Variants in CCDC40 observed in about 807,000 individuals in gnomAD.
CCDC40 encodes coiled-coil domain-containing protein 40.
CCDC40 carries 104 observed loss-of-function variants against 124.5 expected under a neutral mutation model. The observed-to-expected ratio is 0.84, with a 90% CI of 0.71 to 0.98. The LOEUF (loss-of-function observed/expected upper bound fraction) is 0.98. CCDC40 is among the 50% of genes least tolerant of loss of function. The pLI is 0.00. For synonymous variants in CCDC40, 580 were observed against 602.9 expected (o/e 0.96, Z 0.56); for missense variants, 1,463 against 1,503.9 (o/e 0.97, Z 0.45).
chr17:80,091,894 C>T (rs1031010600), intron 17 of CCDC40, among the ~76,000 whole-genome samples: 2 of 151,842 alleles, frequency 1.3e-5, no homozygotes, highest in African/African-American at 2.4e-5. Flanking sequence ...GCAGTCATAT[C>T]TGTACCTTCT....
At chr17:80,069,165 C>A (rs117261836) in intron 10 of CCDC40, among the ~76,000 whole-genome samples, 18 of 152,226 alleles carry the variant, frequency 1.2e-4, no homozygotes, top group Non-Finnish European at 2.1e-4. Flanking sequence ...TTTCCCCATG[C>A]CTTTGTGTCT....
intron 3 of CCDC40, among the ~76,000 whole-genome samples, chr17:80,043,828 A>G (rs374225980): frequency 6.6e-6 from 1 of 151,772 alleles, no homozygotes; most frequent in Non-Finnish European, 1.5e-5. Context: ...CTCCTCTTCC[A>G]TATTTGTAGC....
In CCDC40 at chr17:80,086,057, G is replaced by T. The variant is rs375753787; in HGVS notation, c.2290G>T (p.Asp764Tyr). 6.2e-7 allele frequency: 1 copy of T among 1,614,004 alleles called. No homozygotes were observed. Among genetic ancestry groups the T allele is most frequent in the Non-Finnish European group, 8.5e-7 (1 of 1,180,040 alleles). Residue 764 changes from aspartate (D) to tyrosine (Y), a missense_variant, in exon 14 of 20, where the codon GAC (aspartate) becomes TAC (tyrosine). Asp to Tyr is a radical substitution (Grantham distance 160). Transcript: ENST00000397545. The surrounding 1 kb of genome is among the most constrained non-coding windows in gnomAD (Gnocchi z 5.5). ...LEIKRLSKLI[D>Y]EHDGKAVQAQ... ...AATCAAAAGGCTGAGCAAGCTGATCGACGAGCACGATGGCAAGGCGGTCCA... is the reference window on the plus strand; with the variant it reads ...AATCAAAAGGCTGAGCAAGCTGATCTACGAGCACGATGGCAAGGCGGTCCA...
At chr17:80,041,363 CTGGA>C (rs2037277112) in intron 3 of CCDC40, among the ~76,000 whole-genome samples, 2 of 152,072 alleles carry the variant, frequency 1.3e-5, no homozygotes, top group African/African-American at 4.8e-5. Flanking sequence ...CAAAAATTAG[CTGGA>C]CGTGGTGGTG....
chr17:80,084,875 C>T lies in CCDC40; in HGVS notation c.2122C>T (p.Leu708Phe). Residue 708 changes from leucine (L) to phenylalanine (F), a missense_variant, in exon 13 of 20, where the codon CTC becomes TTC. Physicochemically the swap from Leu to Phe is conservative, Grantham distance 22. Transcript: ENST00000397545. Reference sequence around the variant, plus strand: ...CCAGGACGTGAAGAAAGTCAACGAGCTCATCACCAACAGCCAGAGCGAGAT... The same window carrying T: ...CCAGGACGTGAAGAAAGTCAACGAGTTCATCACCAACAGCCAGAGCGAGAT... ...LDQDVKKVNELITNSQSEISR... is the reference protein window; with the variant it reads ...LDQDVKKVNEFITNSQSEISR... The T allele has an allele frequency of 6.2e-7, 1 of 1,614,178 alleles. No homozygotes were observed. Among genetic ancestry groups the T allele is most frequent in the Non-Finnish European group, 8.5e-7 (1 of 1,180,040 alleles).
Position 80,064,223 on chromosome 17 carries a change from G to A in CCDC40, c.1441-1262G>A, listed in dbSNP as rs1005666677. On this transcript the variant is annotated intron_variant, in intron 9 of 19. Coordinates refer to ENST00000397545, the MANE Select transcript of CCDC40 (RefSeq NM_017950.4). ...CAGGGCGATGGCCTCTCTCATGCCCGGCGCTGCCCTCGGCTCCCCCGTGAT... is the reference window on the plus strand; with the variant it reads ...CAGGGCGATGGCCTCTCTCATGCCCAGCGCTGCCCTCGGCTCCCCCGTGAT... Among the ~76,000 whole-genome samples the A allele has an allele frequency of 2.5e-4, 38 of 152,148 alleles. 1 individual carries two copies. The highest frequency in any genetic ancestry group is 1.9e-4 in the Non-Finnish European group (13 of 68,022).
chr17:80,079,115 T>TTAG (rs1821885557), intron 10 of CCDC40, among the ~76,000 whole-genome samples: 1 of 152,130 alleles, frequency 6.6e-6, no homozygotes, highest in Admixed American at 6.6e-5. Context: ...TTTTGTATTT[T>TTAG]TAGTAGAGAT....
At chr17:80,075,130 G>T (rs1483635465) in intron 10 of CCDC40, among the ~76,000 whole-genome samples, 1 of 151,976 alleles carries the variant, frequency 6.6e-6, no homozygotes, top group Non-Finnish European at 1.5e-5. Flanking sequence ...CAACCGTGTT[G>T]GCCAGGCTGG....
At position 80,040,185 on chromosome 17, in the gene CCDC40, T is replaced by C. The variant is rs1433046799; in HGVS notation, c.467T>C (p.Val156Ala). Residue 156 changes from valine to alanine, a missense_variant, in exon 3 of 20, where the codon GTC (valine) becomes GCC (alanine). By Grantham distance (64) the Val-to-Ala change is moderately conservative. Transcript: ENST00000397545. ...CCACCAGAATCCAGAGAAAGGAGGG[T>C]CACCTCCCCAGAGCCATCCCACGGA... The part of the protein sequence containing the change: ...TGPPESRERR[V>A]TSPEPSHGVL... 1 of 1,613,384 alleles carries C rather than the reference T, an allele frequency of 6.2e-7. No individual in the cohort carries two copies. The highest frequency in any genetic ancestry group is 2.2e-5 in the East Asian group (1 of 44,852).
Position 80,097,298 on chromosome 17 carries a change from T to C in CCDC40, c.3075T>C (p.Asn1025=). ...TGGAACTGGAAGAAACACAAAGAAA[T>C]GTGAGCAGCTCCCTCCTAGAGAAGC... ...TVLELEETQR[N]VSSSLLEKQE... Residue 1025 remains asparagine, a synonymous_variant, in exon 19 of 20, where the codon AAT becomes AAC. Transcript: ENST00000397545. The C allele has an allele frequency of 1.2e-6, 2 of 1,613,836 alleles. No individual in the cohort carries two copies. The highest frequency in any genetic ancestry group is 8.5e-7 in the Non-Finnish European group (1 of 1,179,998).
At chr17:80,080,706 C>T (rs2038427091) in intron 10 of CCDC40, among the ~76,000 whole-genome samples, 1 of 152,180 alleles carries the variant, frequency 6.6e-6, no homozygotes, top group Non-Finnish European at 1.5e-5. Flanking sequence ...CACTTTCCTT[C>T]TCCCCATAAT....
At chr17:80,046,174 A>G (rs1598482753) in intron 3 of CCDC40, among the ~76,000 whole-genome samples, 1 of 152,230 alleles carries the variant, frequency 6.6e-6, no homozygotes. Context: ...TCACTTGGAT[A>G]TAAAAATCAT....
intron 10 of CCDC40, among the ~76,000 whole-genome samples, chr17:80,071,831 C>CTTTTTTTTT (rs35874742): frequency 4.5e-5 from 4 of 88,970 alleles, no homozygotes; most frequent in African/African-American, 1.3e-4. Flanking sequence ...GGTTTTTCAG[C>CTTTTTTTTT]TTTTTTTTTT....
chr17:80,042,093 T>C (rs1228816433), intron 3 of CCDC40, among the ~76,000 whole-genome samples: 3 of 152,188 alleles, frequency 2.0e-5, no homozygotes, highest in Non-Finnish European at 4.4e-5. Context: ...ACAGGTGTTA[T>C]ACAACTTTTG....
chr17:80,066,045 C>T lies in CCDC40; in HGVS notation c.1562+439C>T. The T allele has an allele frequency of 1.4e-6, 1 of 699,402 alleles. No individual in the cohort carries two copies. Among genetic ancestry groups the T allele is most frequent in the South Asian group, 1.5e-5 (1 of 67,452 alleles). 43.3% of individuals were successfully genotyped at this position (699,402 alleles called of 1,614,324 possible). A position where few individuals can be genotyped will look rare whatever the true frequency, so the allele number is the denominator to read the frequency against. On this transcript the variant is annotated intron_variant, in intron 10 of 19. Transcript: ENST00000397545. The surrounding 1 kb of genome is among the most constrained non-coding windows in gnomAD (Gnocchi z 4.4). Reference sequence around the variant, plus strand: ...GGAGGAAGAGGCCTCCTCTGGGCATCCCCTCACTTCTGGGGATGGATGCGT... The same window carrying T: ...GGAGGAAGAGGCCTCCTCTGGGCATTCCCTCACTTCTGGGGATGGATGCGT...
intron 19 of CCDC40, 27 bp from the exon 20 acceptor site, chr17:80,099,494 ATAGCCC>A: frequency 6.2e-7 from 1 of 1,600,824 alleles, no homozygotes; most frequent in Non-Finnish European, 8.5e-7. Context: ...TCTGGTTTGC[ATAGCCC>A]TATATGGAGT....
At chr17:80,077,085 T>C (rs2038327845) in intron 10 of CCDC40, among the ~76,000 whole-genome samples, 1 of 152,148 alleles carries the variant, frequency 6.6e-6, no homozygotes, top group African/African-American at 2.4e-5. Context: ...CTTGATAGAC[T>C]ACAGTAAAGT....
At chr17:80,060,393 T>TAA (rs796525109) in intron 9 of CCDC40, among the ~76,000 whole-genome samples, 3 of 143,726 alleles carry the variant, frequency 2.1e-5, no homozygotes, top group African/African-American at 8.1e-5. Context: ...AAAATAATAA[T>TAA]TAAAAAAAAA....
intron 10 of CCDC40, chr17:80,067,303 G>A (rs2038070048): frequency 5.3e-6 from 3 of 569,230 alleles, no homozygotes; most frequent in South Asian, 4.6e-5. Flanking sequence ...ATTCGATCAG[G>A]TCTCCTCCTC....
Sources: gnomAD v4.1 joint callset for allele counts (sites outside exome capture counted in the v4.1 genomes callset) on GRCh38, gnomAD v4.1.1 for gene constraint, Gnocchi (gnomAD v3.1) non-coding constraint, MANE v1.5 for transcripts, NCBI Gene and HGNC (gene_info 2026-07-23, HGNC 2026-07-21) for gene names.